Variants in CTNND2 observed in about 807,000 individuals in gnomAD.
The protein encoded by CTNND2 is catenin delta 2.
In CTNND2, 22 loss-of-function variants were observed where a neutral mutation model predicts 144.4. The ratio of observed to expected loss-of-function variants is 0.15; its 90% CI spans 0.11 to 0.22. The LOEUF (loss-of-function observed/expected upper bound fraction) is 0.22, where lower values mean the gene tolerates loss of function less well. CTNND2 is among the 10% of genes least tolerant of loss of function. CTNND2 has a pLI of 1.00. For missense variants in CTNND2, 1,353 were observed against 1,618.8 expected (o/e 0.84, Z 2.82); for synonymous variants, 751 against 695.6 (o/e 1.08, Z -1.25).
chr5:11,362,112 C>A (rs988300571), intron 8 of CTNND2, among the ~76,000 whole-genome samples: 2 of 152,092 alleles, frequency 1.3e-5, no homozygotes, highest in African/African-American at 4.8e-5. Flanking sequence ...CTGCTTTAGG[C>A]CTGCAAACCT....
Position 11,577,637 on chromosome 5 carries a change from G to C in CTNND2, c.175-12581C>G, listed in dbSNP as rs140873421. Among the ~76,000 whole-genome samples the C allele has an allele frequency of 2.9e-4, 44 of 152,248 alleles. No individual in the cohort carries two copies. The East Asian group carries it at 4.1e-3, about 14-fold the overall frequency. ...GTGGTTGTGTTTCAGAGAGCAATTA[G>C]ATTCCATCTTATTGGAGTTTAGGGG... On this transcript the variant is annotated intron_variant, in intron 2 of 21. Transcript: ENST00000304623.
At chr5:11,424,778 G>C (rs76357900) in intron 3 of CTNND2, among the ~76,000 whole-genome samples, 1 of 152,130 alleles carries the variant, frequency 6.6e-6, no homozygotes, top group Non-Finnish European at 1.5e-5. Flanking sequence ...AATTAAACTA[G>C]AATTTTTTTT....
intron 18 of CTNND2, among the ~76,000 whole-genome samples, chr5:11,012,706 G>C (rs1261880658): frequency 6.6e-6 from 1 of 152,176 alleles, no homozygotes; most frequent in African/African-American, 2.4e-5. Context: ...GTGGACCCCT[G>C]GCCATGCACT....
intron 2 of CTNND2, among the ~76,000 whole-genome samples, chr5:11,660,236 G>A (rs907422049): frequency 6.6e-6 from 1 of 152,068 alleles, no homozygotes; most frequent in Non-Finnish European, 1.5e-5. Flanking sequence ...AAGGATGGGG[G>A]AAGGAGAAAT....
intron 10 of CTNND2, among the ~76,000 whole-genome samples, chr5:11,206,462 A>AT (rs2149838740): frequency 6.6e-6 from 1 of 152,310 alleles, no homozygotes; most frequent in South Asian, 2.1e-4. Flanking sequence ...ATTTCAAGCG[A>AT]TTCCTCAAGT....
At chr5:11,544,710 T>C (rs1387422710) in intron 3 of CTNND2, among the ~76,000 whole-genome samples, 1 of 152,236 alleles carries the variant, frequency 6.6e-6, no homozygotes, top group African/African-American at 2.4e-5. Context: ...GGGCTGGGCA[T>C]GGTGGCTCAT....
intron 18 of CTNND2, among the ~76,000 whole-genome samples, chr5:10,993,347 A>G (rs1375739969): frequency 6.6e-6 from 1 of 152,226 alleles, no homozygotes; most frequent in Non-Finnish European, 1.5e-5. Flanking sequence ...ATCACAGATT[A>G]TTTTGTGAAT....
intron 7 of CTNND2, among the ~76,000 whole-genome samples, chr5:11,369,311 CCTG>C (rs1213658222): frequency 2.0e-5 from 3 of 152,050 alleles, no homozygotes; most frequent in Non-Finnish European, 4.4e-5. Context: ...ATAACAAATA[CCTG>C]CTAATTCAGT....
At chr5:11,373,668 C>T (rs757783353) in intron 7 of CTNND2, among the ~76,000 whole-genome samples, 2 of 152,130 alleles carry the variant, frequency 1.3e-5, no homozygotes, top group Admixed American at 6.5e-5. Flanking sequence ...AAGAAGCATC[C>T]AATCTCTGGA....
intron 3 of CTNND2, among the ~76,000 whole-genome samples, chr5:11,547,877 A>G: frequency 6.6e-6 from 1 of 152,336 alleles, no homozygotes; most frequent in East Asian, 1.9e-4. Context: ...CAACCCAGTC[A>G]TTTCTCTTCT....
At chr5:11,232,534 T>C (rs1356127908) in intron 10 of CTNND2, among the ~76,000 whole-genome samples, 1 of 152,250 alleles carries the variant, frequency 6.6e-6, no homozygotes, top group Non-Finnish European at 1.5e-5. Context: ...ATGGGGCCTG[T>C]AGCCCCCTTG....
intron 2 of CTNND2, among the ~76,000 whole-genome samples, chr5:11,594,719 A>G (rs973001602): frequency 2.0e-5 from 3 of 152,214 alleles, no homozygotes; most frequent in African/African-American, 4.8e-5. Context: ...CTACATGTTC[A>G]TGATGTCCAT....
chr5:11,576,159 CA>C (rs1425147885), intron 2 of CTNND2, among the ~76,000 whole-genome samples: 3 of 152,062 alleles, frequency 2.0e-5, no homozygotes, highest in Non-Finnish European at 2.9e-5. Flanking sequence ...GTTTTGGCCA[CA>C]AGTATCTCTT....
intron 10 of CTNND2, among the ~76,000 whole-genome samples, chr5:11,213,270 A>G (rs370188439): frequency 6.6e-6 from 1 of 152,162 alleles, no homozygotes; most frequent in Non-Finnish European, 1.5e-5. Context: ...CTGGGATCCC[A>G]GAGGCTGAGC....
intron 1 of CTNND2, among the ~76,000 whole-genome samples, chr5:11,784,089 G>C (rs1422539468): frequency 6.6e-6 from 1 of 152,114 alleles, no homozygotes; most frequent in Non-Finnish European, 1.5e-5. Flanking sequence ...AACACACTAG[G>C]GAATAAGCTG....
chr5:11,468,749 C>T (rs1031859205), intron 3 of CTNND2, among the ~76,000 whole-genome samples: 3 of 152,092 alleles, frequency 2.0e-5, no homozygotes, highest in Admixed American at 2.0e-4. Flanking sequence ...TCCTGGGTTG[C>T]TAATCACTCT....
intron 14 of CTNND2, among the ~76,000 whole-genome samples, chr5:11,100,838 G>A (rs1021269733): frequency 5.9e-5 from 9 of 152,084 alleles, no homozygotes; most frequent in Admixed American, 1.3e-4. Context: ...TTGCATGCTC[G>A]TTACAAAAAA....
intron 16 of CTNND2, among the ~76,000 whole-genome samples, chr5:11,074,180 G>A (rs1748663876): frequency 6.6e-6 from 1 of 152,146 alleles, no homozygotes; most frequent in African/African-American, 2.4e-5. Context: ...ACCCTCAAGA[G>A]GTCTGTTTCC....
At chr5:11,262,634 C>T (rs574331852) in intron 9 of CTNND2, among the ~76,000 whole-genome samples, 15 of 151,438 alleles carry the variant, frequency 9.9e-5, no homozygotes, top group African/African-American at 3.6e-4. Flanking sequence ...TGGTGGCGGG[C>T]ACCTGTAGTC....
Sources: gnomAD v4.1 joint callset for allele counts (sites outside exome capture counted in the v4.1 genomes callset) on GRCh38, gnomAD v4.1.1 for gene constraint, MANE v1.5 for transcripts, NCBI Gene and HGNC (gene_info 2026-07-23, HGNC 2026-07-21) for gene names.